The following KIF11 variants were observed in gnomAD, a reference collection of about 807,000 sequenced individuals.
The protein encoded by KIF11 is kinesin family member 11.
KIF11 carries 9 observed loss-of-function variants against 121.0 expected under a neutral mutation model. The observed-to-expected ratio is 0.07, with a 90% CI of 0.04 to 0.13. KIF11 has a LOEUF of 0.13. Among genes scored for constraint, KIF11 ranks in the 10% least tolerant of loss-of-function variants. The pLI is 1.00. For missense variants in KIF11, 846 were observed against 1,217.5 expected, an observed-to-expected ratio of 0.69 and a Z score of 4.54; for synonymous variants, 408 against 421.0, an observed-to-expected ratio of 0.97 and a Z score of 0.38.
At chr10:92,596,555 G>A (rs1254490218) in intron 1 of KIF11, among the ~76,000 whole-genome samples, 1 of 123,830 alleles carries the variant, frequency 8.1e-6, no homozygotes, top group African/African-American at 2.7e-5. Flanking sequence ...TTTTTTTCAA[G>A]TAGCCATCCA....
At chr10:92,624,306 C>T (rs1844648245) in intron 10 of KIF11, among the ~76,000 whole-genome samples, 1 of 145,746 alleles carries the variant, frequency 6.9e-6, no homozygotes, top group African/African-American at 2.6e-5. Flanking sequence ...TCTCGGCTCA[C>T]TGCAACCTCT....
At position 92,593,349 on chromosome 10, in the gene KIF11, G is replaced by T; in HGVS notation, c.-27G>T. On this transcript the variant is annotated 5_prime_UTR_variant, in exon 1 of 22. Transcript: ENST00000260731. ...CTCACAGCGCCCAGGTCCGCGGCCGGGCCTTGATTTTTTGGCGGGGACCGT... is the reference window on the plus strand; with the variant it reads ...CTCACAGCGCCCAGGTCCGCGGCCGTGCCTTGATTTTTTGGCGGGGACCGT... The T allele has an allele frequency of 6.3e-7, 1 of 1,595,374 alleles. No individual in the cohort carries two copies. The highest frequency in any genetic ancestry group is 8.5e-7 in the Non-Finnish European group (1 of 1,172,070).
At chr10:92,623,948 A>G (rs930983521) in intron 10 of KIF11, among the ~76,000 whole-genome samples, 1 of 151,926 alleles carries the variant, frequency 6.6e-6, no homozygotes, top group Non-Finnish European at 1.5e-5. Flanking sequence ...CTATAGATAT[A>G]TTGCATGTAA....
intron 17 of KIF11, 94 bp downstream of exon 17, chr10:92,639,994 A>G (rs1844847654): frequency 1.6e-6 from 1 of 627,842 alleles, no homozygotes; most frequent in Non-Finnish European, 2.7e-6. Flanking sequence ...TCCTCTGTGT[A>G]CTTTCAAATT....
At chr10:92,616,921 T>C (rs1283656122) in intron 9 of KIF11, 89 bp downstream of exon 9, 1 of 712,136 alleles carries the variant, frequency 1.4e-6, no homozygotes, top group Non-Finnish European at 2.4e-6. Flanking sequence ...TTAAACAAGA[T>C]TTGTTAAATT....
intron 13 of KIF11, 22 bp from the exon 14 acceptor site, chr10:92,633,601 T>A: frequency 6.5e-7 from 1 of 1,548,576 alleles, no homozygotes; most frequent in Non-Finnish European, 8.8e-7. Flanking sequence ...AGTTTACATC[T>A]TTCTGTTTTT....
rs1554863366 is a variant in KIF11, at chr10:92,651,507, G to GTATTTTTTC, written c.3039+991_3039+992insATTTTTTCT. Among the ~76,000 whole-genome samples, 34 of 52,974 alleles carry GTATTTTTTC rather than the reference G, an allele frequency of 6.4e-4. 2 individuals carry two copies. The East Asian group carries it at 8.3e-3, about 13-fold the overall frequency. The allele number at this position is 52,974 out of a possible 152,430, so 34.8% of individuals were successfully genotyped here. A position where few individuals can be genotyped will look rare whatever the true frequency, so the allele number is the denominator to read the frequency against. On this transcript the variant is annotated intron_variant, in intron 21 of 21. Transcript: ENST00000260731. Reference sequence around the variant, plus strand: ...TGTGCCACCATGCCTGGCTAATTTTGTTTTTTTTTTTTTTTTTTTTTTTTT... The same window carrying GTATTTTTTC: ...TGTGCCACCATGCCTGGCTAATTTTGTATTTTTTCTTTTTTTTTTTTTTTTTTTTTTTTT...
At chr10:92,598,242 A>AT (rs1297551473) in intron 1 of KIF11, among the ~76,000 whole-genome samples, 1 of 152,144 alleles carries the variant, frequency 6.6e-6, no homozygotes, top group East Asian at 1.9e-4. Flanking sequence ...TCTTACATAC[A>AT]TTTTTGATCC....
chr10:92,638,656 ATTTC>A (rs1043262896), intron 16 of KIF11, among the ~76,000 whole-genome samples: 8 of 152,210 alleles, frequency 5.3e-5, no homozygotes, highest in Non-Finnish European at 1.0e-4. Context: ...TATGTGAGCT[ATTTC>A]TTAGGTTTTC....
chr10:92,632,817 GTTCAGGGTGAAGA>G (rs1844753776), intron 13 of KIF11, 124 bp downstream of exon 13: 2 of 515,588 alleles, frequency 3.9e-6, no homozygotes, highest in Non-Finnish European at 6.7e-6. Context: ...CAAACTATTT[GTTCAGGGTGAAGA>G]TTAATGCTTT....
chr10:92,645,135 T>C (rs994059083), intron 17 of KIF11, among the ~76,000 whole-genome samples: 10 of 152,048 alleles, frequency 6.6e-5, no homozygotes, highest in African/African-American at 2.4e-4. Context: ...TTGTGAAAGG[T>C]TTCATGAGCA....
rs1239665874 is a variant in KIF11, at chr10:92,630,309, A to G, written c.1439A>G (p.Tyr480Cys). 1.9e-6 allele frequency: 3 copies of G among 1,607,052 alleles called. No individual in the cohort carries two copies. Among genetic ancestry groups the G allele is most frequent in the Non-Finnish European group, 2.5e-6 (3 of 1,177,634 alleles). ...ETKLQLVKEE[Y>C]ITSALESTEE... ...AAATTACAACTTGTTAAAGAAGAAT[A>G]TATCACATCAGCTTTGGAAAGTACT... The change falls in exon 12 of 22, where the codon TAT (tyrosine) becomes TGT (cysteine). Residue 480 changes from tyrosine (Y) to cysteine (C), a missense_variant. Physicochemically the swap from Tyr to Cys is radical, Grantham distance 194. Coordinates refer to ENST00000260731, the MANE Select transcript of KIF11 (RefSeq NM_004523.4).
chr10:92,653,148 C>T (rs1204016785), intron 21 of KIF11, among the ~76,000 whole-genome samples: 1 of 152,244 alleles, frequency 6.6e-6, no homozygotes, highest in Non-Finnish European at 1.5e-5. Flanking sequence ...TTCTGCATGA[C>T]AGCAAATCTT....
intron 1 of KIF11, among the ~76,000 whole-genome samples, chr10:92,602,825 C>CAT (rs1457102223): frequency 8.2e-6 from 1 of 122,382 alleles, no homozygotes; most frequent in African/African-American, 3.6e-5. Flanking sequence ...CACACACACA[C>CAT]GTGTGTGTGT....
Position 92,632,704 on chromosome 10 carries a change from G to C in KIF11, c.1702+11G>C. On this transcript the variant is annotated intron_variant, in intron 13 of 21. Transcript: ENST00000260731. ...ATAAGACCTTATTTGGTAAGTTCAG[G>C]CTGTTCTGTTCTAGTCTTGATGTGT... The C allele has an allele frequency of 6.4e-7, 1 of 1,555,398 alleles. No individual in the cohort carries two copies. The highest frequency in any genetic ancestry group is 8.8e-7 in the Non-Finnish European group (1 of 1,141,268).
chr10:92,612,539 T>C (rs1017767288), intron 6 of KIF11, among the ~76,000 whole-genome samples: 8 of 152,200 alleles, frequency 5.3e-5, no homozygotes, highest in Non-Finnish European at 1.2e-4. Flanking sequence ...CTATTTCTGC[T>C]GTTAGGGGAT....
At chr10:92,614,021 T>TATACACACACACACACACAC (rs1284311727) in intron 8 of KIF11, among the ~76,000 whole-genome samples, 10 of 127,050 alleles carry the variant, frequency 7.9e-5, no homozygotes, top group African/African-American at 2.3e-4. Context: ...AGTATGTGTA[T>TATACACACACACACACACAC]ACACACACAC....
intron 10 of KIF11, among the ~76,000 whole-genome samples, chr10:92,623,974 A>T (rs758572440): frequency 2.0e-5 from 3 of 152,018 alleles, no homozygotes; most frequent in African/African-American, 7.3e-5. Flanking sequence ...GTTGGTGTAC[A>T]TATTATTTTG....
At chr10:92,642,172 T>C (rs1240181188) in intron 17 of KIF11, among the ~76,000 whole-genome samples, 2 of 152,136 alleles carry the variant, frequency 1.3e-5, no homozygotes, top group African/African-American at 4.8e-5. Context: ...CAACTTGTGA[T>C]TTTTGTGGTT....
Sources: allele counts gnomAD v4.1 joint callset (sites outside exome capture counted in the v4.1 genomes callset), GRCh38; gene constraint gnomAD v4.1.1; transcripts MANE v1.5; gene names NCBI Gene and HGNC (gene_info 2026-07-23, HGNC 2026-07-21).